Variants in METTL24 observed in about 807,000 individuals in gnomAD.
METTL24 encodes methyltransferase like 24.
A neutral mutation model predicts 32.7 loss-of-function variants in METTL24; 29 were observed. The ratio of observed to expected loss-of-function variants is 0.89; its 90% CI spans 0.66 to 1.21. METTL24 has a LOEUF of 1.21. Ranked by LOEUF, METTL24 falls within the 50% of genes most tolerant of loss-of-function variation. The pLI is 0.00. For synonymous variants in METTL24, 163 were observed against 179.5 expected (o/e 0.91, Z 0.73); for missense variants, 439 against 468.1 (o/e 0.94, Z 0.57).
At chr6:110,314,963 C>A (rs1771791212) in intron 3 of METTL24, among the ~76,000 whole-genome samples, 1 of 151,756 alleles carries the variant, frequency 6.6e-6, no homozygotes, top group African/African-American at 2.4e-5. Flanking sequence ...GATCCCCTTT[C>A]AAGAGAAAGA....
At chr6:110,337,584 G>A (rs541101750) in intron 1 of METTL24, among the ~76,000 whole-genome samples, 5 of 152,294 alleles carry the variant, frequency 3.3e-5, no homozygotes, top group Admixed American at 6.5e-5. Flanking sequence ...GGAAAGAAAA[G>A]TATAACCAAG....
intron 1 of METTL24, among the ~76,000 whole-genome samples, chr6:110,335,994 G>C (rs1420618868): frequency 1.3e-5 from 2 of 152,142 alleles, no homozygotes; most frequent in Non-Finnish European, 2.9e-5. Flanking sequence ...ACTTCAGAAA[G>C]GATTCCCAGG....
chr6:110,326,299 G>C (rs1318196123), intron 1 of METTL24, among the ~76,000 whole-genome samples: 1 of 152,164 alleles, frequency 6.6e-6, no homozygotes, highest in Non-Finnish European at 1.5e-5. Flanking sequence ...AGACCCTTTT[G>C]TCCAATCACA....
chr6:110,255,841 G>A (rs11758244), intron 4 of METTL24, among the ~76,000 whole-genome samples: 23,132 of 151,998 alleles, frequency 0.15, 1,901 homozygotes, highest in African/African-American at 0.23. Context: ...GGGGTTCAGT[G>A]GGAGAATCTT....
intron 1 of METTL24, among the ~76,000 whole-genome samples, chr6:110,331,232 G>A (rs1474248022): frequency 6.6e-6 from 1 of 152,066 alleles, no homozygotes; most frequent in Non-Finnish European, 1.5e-5. Flanking sequence ...GAAAAACAGA[G>A]AGAAAAATTA....
intron 4 of METTL24, among the ~76,000 whole-genome samples, chr6:110,287,292 T>C (rs1447592658): frequency 2.0e-5 from 3 of 152,240 alleles, no homozygotes; most frequent in Non-Finnish European, 4.4e-5. Flanking sequence ...CCAAGATGGC[T>C]TGTCCTTAGG....
At chr6:110,307,252 T>C (rs12664630) in intron 3 of METTL24, among the ~76,000 whole-genome samples, 40,691 of 152,152 alleles carry the variant, frequency 0.27, 8,901 homozygotes, top group African/African-American at 0.6. Flanking sequence ...TGGTCCTTGA[T>C]CTGAAGAGGT....
Position 110,245,951 on chromosome 6 carries a change from T to G in METTL24, c.1096A>C (p.Lys366Gln). The change falls in exon 5 of 5, where the codon AAA (lysine) becomes CAA (glutamine). Residue 366 changes from lysine (K) to glutamine (Q), a missense_variant. By Grantham distance (53) the Lys-to-Gln change is moderately conservative (BLOSUM62 1). Coordinates refer to ENST00000338882, the MANE Select transcript of METTL24 (RefSeq NM_001123364.3). ...TCTTGATGACATCCTGCATCCTATT[T>G]CCATCTTGTATTCACCCAACTCAGA... ...YTLSWVNTRW[K>Q] The G allele has an allele frequency of 6.2e-7, 1 of 1,607,456 alleles. No individual in the cohort carries two copies. The highest frequency in any genetic ancestry group is 8.5e-7 in the Non-Finnish European group (1 of 1,176,122).
chr6:110,283,654 C>T (rs1771174385), intron 4 of METTL24, among the ~76,000 whole-genome samples: 1 of 152,186 alleles, frequency 6.6e-6, no homozygotes, highest in African/African-American at 2.4e-5. Flanking sequence ...TTCCATAGCA[C>T]ACCGTATTTT....
chr6:110,354,330 G>A (rs1025672958), intron 1 of METTL24, among the ~76,000 whole-genome samples: 1 of 152,204 alleles, frequency 6.6e-6, no homozygotes. Flanking sequence ...CATAAGCTGT[G>A]ATTAAAGTGG....
chr6:110,264,871 G>A (rs1312317451), intron 4 of METTL24, among the ~76,000 whole-genome samples: 1 of 151,676 alleles, frequency 6.6e-6, no homozygotes, highest in Non-Finnish European at 1.5e-5. Context: ...CTATTGCAAG[G>A]ACAAAAAACC....
At chr6:110,310,132 C>G (rs1324748195) in intron 3 of METTL24, among the ~76,000 whole-genome samples, 1 of 152,250 alleles carries the variant, frequency 6.6e-6, no homozygotes, top group Admixed American at 6.5e-5. Context: ...TGGAAATGCT[C>G]ATGGTAACCA....
intron 4 of METTL24, among the ~76,000 whole-genome samples, chr6:110,262,262 C>A (rs1396303288): frequency 3.9e-5 from 6 of 152,120 alleles, no homozygotes; most frequent in Non-Finnish European, 8.8e-5. Flanking sequence ...CAAATAGACA[C>A]AATAATAATT....
intron 1 of METTL24, among the ~76,000 whole-genome samples, chr6:110,343,978 G>A (rs1367439560): frequency 5.3e-5 from 8 of 152,148 alleles, no homozygotes; most frequent in Non-Finnish European, 1.2e-4. Flanking sequence ...TTGGAGAGAA[G>A]AAAAGGTACT....
chr6:110,313,489 T>C (rs545042354), intron 3 of METTL24, among the ~76,000 whole-genome samples: 1 of 152,256 alleles, frequency 6.6e-6, no homozygotes, highest in East Asian at 1.9e-4. Flanking sequence ...ATTTAGAAAC[T>C]TTCCCCCCAA....
In METTL24 at chr6:110,351,062, C is replaced by T. The variant is rs189024078; in HGVS notation, c.318+6893G>A. On this transcript the variant is annotated intron_variant, in intron 1 of 4. Transcript: ENST00000338882. ...GGCGGAGGTTGCAGTGAGCCGAGATCGCGCCACTGCACTCCAGCCCGGGTG... is the reference window on the plus strand; with the variant it reads ...GGCGGAGGTTGCAGTGAGCCGAGATTGCGCCACTGCACTCCAGCCCGGGTG... 2.6e-3 allele frequency among the ~76,000 whole-genome samples: 390 copies of T among 152,098 alleles called. 1 individual carries two copies. Among genetic ancestry groups the T allele is most frequent in the African/African-American group, 8.5e-3 (354 of 41,496 alleles).
At chr6:110,254,553 A>G (rs1584105192) in intron 4 of METTL24, among the ~76,000 whole-genome samples, 1 of 152,268 alleles carries the variant, frequency 6.6e-6, no homozygotes, top group South Asian at 2.1e-4. Flanking sequence ...AATCACTTGA[A>G]CCCAGAAGGC....
intron 4 of METTL24, among the ~76,000 whole-genome samples, chr6:110,263,610 G>GA (rs1156322421): frequency 2.0e-5 from 3 of 152,086 alleles, no homozygotes; most frequent in African/African-American, 7.2e-5. Context: ...CACAGAATTG[G>GA]AAAAAACTAC....
intron 1 of METTL24, among the ~76,000 whole-genome samples, chr6:110,352,878 C>T (rs1354790960): frequency 6.6e-6 from 1 of 152,226 alleles, no homozygotes; most frequent in Non-Finnish European, 1.5e-5. Flanking sequence ...TGACCTGATT[C>T]TCTTCACAGA....
Sources: gnomAD v4.1 joint callset for allele counts (sites outside exome capture counted in the v4.1 genomes callset) on GRCh38, gnomAD v4.1.1 for gene constraint, MANE v1.5 for transcripts, NCBI Gene and HGNC (gene_info 2026-07-23, HGNC 2026-07-21) for gene names.